KCNT1: variants seen among roughly 807,000 people sequenced by gnomAD.
KCNT1 encodes potassium sodium-activated channel subfamily T member 1.
A neutral mutation model predicts 147.8 loss-of-function variants in KCNT1; 78 were observed. The ratio of observed to expected loss-of-function variants is 0.53; its 90% CI spans 0.44 to 0.64. KCNT1 has a LOEUF of 0.64. KCNT1 is among the 30% of genes least tolerant of loss of function. The pLI, the probability that KCNT1 is intolerant of heterozygous loss-of-function variation, is 0.00. For synonymous variants in KCNT1, 867 were observed against 748.8 expected, an observed-to-expected ratio of 1.16 and a Z score of -2.58; for missense variants, 1,419 against 1,750.3, an observed-to-expected ratio of 0.81 and a Z score of 3.38.
intron 1 of KCNT1, among the ~76,000 whole-genome samples, chr9:135,704,189 G>A (rs1263085508): frequency 6.6e-6 from 1 of 152,232 alleles, no homozygotes; most frequent in African/African-American, 2.4e-5. Context: ...AGGCAACAGC[G>A]TGGTCAGAAC....
intron 2 of KCNT1, among the ~76,000 whole-genome samples, chr9:135,722,380 C>T (rs1835960496): frequency 6.6e-6 from 1 of 152,220 alleles, no homozygotes; most frequent in Admixed American, 6.5e-5. Context: ...GAAATTCCTC[C>T]CGCATTAGTG....
intron 2 of KCNT1, among the ~76,000 whole-genome samples, chr9:135,747,313 C>G (rs1830883680): frequency 6.7e-6 from 1 of 149,780 alleles, no homozygotes; most frequent in African/African-American, 2.5e-5. Context: ...CGCGTTGAGG[C>G]TTTTGCCATG....
chr9:135,742,737 C>CTGTCTG, intron 2 of KCNT1: 1 of 717,264 alleles, frequency 1.4e-6, no homozygotes, highest in Non-Finnish European at 2.6e-6. Flanking sequence ...CCATCTGTCT[C>CTGTCTG]CCGCATTCTG....
At position 135,758,505 on chromosome 9, in the gene KCNT1, C is replaced by T. The variant is rs376583438; in HGVS notation, c.851C>T (p.Thr284Met). 1.9e-4 allele frequency: 299 copies of T among 1,612,744 alleles called. No homozygotes were observed. Among genetic ancestry groups the T allele is most frequent in the Non-Finnish European group, 2.5e-4 (292 of 1,179,482 alleles). The part of the protein sequence containing the change: ...LFCTLLCLVF[T>M]GTCGIQHLER... ...TGCACCCTGCTGTGCCTCGTTTTCA[C>T]GGGGTGAGTGCCGGCCGTCAGTGTG... Residue 284 changes from threonine (T) to methionine (M), a missense_variant, in exon 10 of 31, where the codon ACG (threonine) becomes ATG (methionine). Physicochemically the swap from Thr to Met is moderately conservative, Grantham distance 81 (BLOSUM62 -1). Around this residue, in one of 5 missense-constraint regions of KCNT1, gnomAD observed 401 missense variants for 610.6 expected, o/e 0.66. Transcript: ENST00000371757.
Position 135,742,787 on chromosome 9 carries a change from T to C in KCNT1, c.255-7311T>C, listed in dbSNP as rs1243339739. On this transcript the variant is annotated intron_variant, in intron 2 of 30. Coordinates refer to ENST00000371757, the MANE Select transcript of KCNT1 (RefSeq NM_020822.3). The stretch of plus-strand genomic sequence containing the variant: ...GTGTCCCCAGGCTTCCTGTAGAAGA[T>C]TTCAGCCTGGACTCCTCCCTGTCTC... 7.0e-6 allele frequency: 5 copies of C among 717,170 alleles called. No homozygotes were observed. The African/African-American group carries it at 8.7e-5, about 13-fold the overall frequency. 44.4% of individuals were successfully genotyped at this position (717,170 alleles called of 1,614,324 possible). A position where few individuals can be genotyped will look rare whatever the true frequency, so the allele number is the denominator to read the frequency against.
intron 1 of KCNT1, among the ~76,000 whole-genome samples, chr9:135,704,763 G>A (rs1183342583): frequency 1.3e-5 from 2 of 152,210 alleles, no homozygotes; most frequent in Non-Finnish European, 2.9e-5. Context: ...CTGGCCCAAG[G>A]TCCTGGCCAG....
chr9:135,757,505 G>A, intron 9 of KCNT1, 124 bp downstream of exon 9: 1 of 811,448 alleles, frequency 1.2e-6, no homozygotes. Flanking sequence ...TAGAGGACCG[G>A]GAAGCCAGGG....
rs1364315508 is a variant in KCNT1 at position 135,772,717 on chromosome 9, A to G, written c.2011A>G (p.Thr671Ala). The change falls in exon 19 of 31, where the codon ACA (threonine) becomes GCA (alanine). Residue 671 changes from threonine to alanine, a missense_variant and splice_region_variant. By Grantham distance (58) the Thr-to-Ala change is moderately conservative. Transcript: ENST00000371757. ...PVHSIIASMG[T>A]VAMDLQGTEH... Reference sequence around the variant, plus strand: ...CCAAGCACAGGGCTCTCTTCCAGGGACAGTGGCCATGGACCTGCAGGGCAC... The same window carrying G: ...CCAAGCACAGGGCTCTCTTCCAGGGGCAGTGGCCATGGACCTGCAGGGCAC... 1.8e-5 allele frequency: 25 copies of G among 1,391,934 alleles called. No homozygotes were observed. The highest frequency in any genetic ancestry group is 2.2e-5 in the Non-Finnish European group (24 of 1,069,246). 86.2% of individuals were successfully genotyped at this position (1,391,934 alleles called of 1,614,324 possible).
In KCNT1 at chr9:135,759,853, A is replaced by C. The variant is rs140443242; in HGVS notation, c.1029A>C (p.Pro343=). ...IMICVALVVL[P]LQFEELVYLW... ...TCTGCGTGGCCCTCGTGGTGCTCCC[A>C]CTGCAGGTGGGTCCTCTGGGCACCA... is the stretch of plus-strand genomic sequence containing the variant. Residue 343 remains proline, a synonymous_variant, in exon 11 of 31, where the codon CCA becomes CCC. Transcript: ENST00000371757. 13 of 1,602,344 alleles carry C rather than the reference A, an allele frequency of 8.1e-6. No individual in the cohort carries two copies. The highest frequency in any genetic ancestry group is 1.0e-5 in the Non-Finnish European group (12 of 1,173,594).
chr9:135,702,735 TG>T (rs1835082780), intron 1 of KCNT1, among the ~76,000 whole-genome samples: 1 of 151,980 alleles, frequency 6.6e-6, no homozygotes, highest in African/African-American at 2.4e-5. Context: ...CACCCCAGCT[TG>T]GGGAGGAAGG....
intron 2 of KCNT1, among the ~76,000 whole-genome samples, chr9:135,726,740 C>T (rs1280003051): frequency 7.9e-4 from 102 of 129,802 alleles, no homozygotes; most frequent in Non-Finnish European, 1.4e-3. Context: ...CCTTTCCCTC[C>T]CTCTCTCCCT....
rs1835662204 is a variant in KCNT1, at chr9:135,714,939, TCGGAGCTG to T, written c.254+225_254+232del. 6.6e-6 allele frequency among the ~76,000 whole-genome samples: 1 copy of T among 152,162 alleles called. No homozygotes were observed. Among genetic ancestry groups the T allele is most frequent in the Admixed American group, 6.5e-5 (1 of 15,286 alleles). On this transcript the variant is annotated intron_variant, in intron 2 of 30. Coordinates refer to ENST00000371757, the MANE Select transcript of KCNT1 (RefSeq NM_020822.3). The surrounding 1 kb of genome is among the most constrained non-coding windows in gnomAD (Gnocchi z 6.2). The stretch of plus-strand genomic sequence containing the variant: ...GTCTCCGGAGGAGGGCGCGGGATGC[TCGGAGCTG>T]CGGAGTCTTCCAGAGCCCGACTTGG...
chr9:135,788,761 G>C (rs1026363461), intron 29 of KCNT1, among the ~76,000 whole-genome samples: 1 of 152,180 alleles, frequency 6.6e-6, no homozygotes, highest in Admixed American at 6.5e-5. Context: ...CTTCCTGCTC[G>C]GCTCGAGCAG....
At chr9:135,774,890 T>C (rs1157397392) in intron 19 of KCNT1, among the ~76,000 whole-genome samples, 1 of 152,006 alleles carries the variant, frequency 6.6e-6, no homozygotes, top group Non-Finnish European at 1.5e-5. Flanking sequence ...GTGAGGGCCC[T>C]ACCCACCCCT....
chr9:135,726,325 G>T (rs1033408088), intron 2 of KCNT1, among the ~76,000 whole-genome samples: 22 of 152,074 alleles, frequency 1.4e-4, no homozygotes, highest in African/African-American at 5.1e-4. Context: ...CCTGGGTCTC[G>T]GATCCCTTCC....
intron 1 of KCNT1, among the ~76,000 whole-genome samples, chr9:135,713,405 C>G (rs1564313670): frequency 6.6e-6 from 1 of 152,256 alleles, no homozygotes; most frequent in Non-Finnish European, 1.5e-5. Context: ...GCAGCTTCAG[C>G]CTGGGGTGCC....
chr9:135,770,180 T>A, intron 16 of KCNT1, 118 bp from the exon 17 acceptor site: 1 of 1,406,352 alleles, frequency 7.1e-7, no homozygotes, highest in Non-Finnish European at 9.6e-7. Context: ...GCAAAAGTCC[T>A]GCATAGGGAG....
At chr9:135,789,156 G>A (rs990534081) in intron 29 of KCNT1, 1 of 150,640 alleles carries the variant, frequency 6.6e-6, no homozygotes. Context: ...GGATGCCTGC[G>A]TCGCCCGCTC....
chr9:135,782,523 C>T (rs1338573038), intron 24 of KCNT1, among the ~76,000 whole-genome samples: 1 of 152,216 alleles, frequency 6.6e-6, no homozygotes, highest in Admixed American at 6.5e-5. Flanking sequence ...GTCTCGTGCT[C>T]AGGAAGGGCT....
Sources: gnomAD v4.1 joint callset for allele counts (sites outside exome capture counted in the v4.1 genomes callset) on GRCh38, gnomAD v4.1.1 for gene constraint, gnomAD v4.1.1 regional missense constraint, Gnocchi (gnomAD v3.1) non-coding constraint, MANE v1.5 for transcripts, NCBI Gene and HGNC (gene_info 2026-07-23, HGNC 2026-07-21) for gene names.